The following C1GALT1 variants were observed in gnomAD, a reference collection of about 807,000 sequenced individuals.
The protein encoded by C1GALT1 is glycoprotein-N-acetylgalactosamine 3-beta-galactosyltransferase 1.
In C1GALT1, 11 loss-of-function variants were observed where a neutral mutation model predicts 31.0. That is an observed-to-expected ratio of 0.36 (90% CI 0.22 to 0.59). The LOEUF is 0.59. C1GALT1 is among the 20% of genes least tolerant of loss of function. The pLI is 0.79. For synonymous variants in C1GALT1, 175 were observed against 143.6 expected (o/e 1.22, Z -1.56); for missense variants, 424 against 425.2 (o/e 1.00, Z 0.03).
chr7:7,165,396 G>A (rs547474125), intron 2 of C1GALT1, among the ~76,000 whole-genome samples: 76 of 152,126 alleles, frequency 5.0e-4, no homozygotes, highest in Non-Finnish European at 9.0e-4. Flanking sequence ...TTTAATTTTT[G>A]TGAATGCATC....
chr7:7,193,320 T>C (rs1008049998), intron 1 of C1GALT1, among the ~76,000 whole-genome samples: 2 of 152,150 alleles, frequency 1.3e-5, no homozygotes, highest in African/African-American at 4.8e-5. Context: ...TAATCTTGAG[T>C]TCATTTTTGT....
At chr7:7,194,919 G>C (rs1781220575) in intron 1 of C1GALT1, among the ~76,000 whole-genome samples, 1 of 152,036 alleles carries the variant, frequency 6.6e-6, no homozygotes, top group African/African-American at 2.4e-5. Context: ...TATGTTTTCA[G>C]GAATTCACCC....
intron 2 of C1GALT1, among the ~76,000 whole-genome samples, chr7:7,166,588 A>C (rs1211425706): frequency 1.3e-5 from 2 of 152,202 alleles, no homozygotes; most frequent in Non-Finnish European, 2.9e-5. Context: ...GGGTGTATAC[A>C]TATGTCACAA....
intron 1 of C1GALT1, chr7:7,183,567 A>G (rs1285303283): frequency 3.0e-6 from 3 of 985,050 alleles, no homozygotes; most frequent in Non-Finnish European, 3.6e-6. Context: ...GTAGGTGTTG[A>G]CAAGTTGTCC....
chr7:7,217,541 G>A (rs939966728), intron 1 of C1GALT1, among the ~76,000 whole-genome samples: 3 of 152,182 alleles, frequency 2.0e-5, no homozygotes, highest in Admixed American at 2.0e-4. Flanking sequence ...TGCTTTATTC[G>A]CTGATGGATT....
At chr7:7,162,099 T>C (rs1780340413) in intron 2 of C1GALT1, among the ~76,000 whole-genome samples, 1 of 151,464 alleles carries the variant, frequency 6.6e-6, no homozygotes, top group Admixed American at 6.6e-5. Flanking sequence ...ATTAGCTATT[T>C]TTCTTTTTTT....
Position 7,243,359 on chromosome 7 carries a change from C to G in C1GALT1, c.889-165C>G, listed in dbSNP as rs115206933. ...TAAATCATTAGGATGTCTAAGTAAA[C>G]TATTGATTTCTTCCACAGGTCTAGT... On this transcript the variant is annotated intron_variant, in intron 3 of 3. Coordinates refer to ENST00000436587, the MANE Select transcript of C1GALT1 (RefSeq NM_020156.5). Among the ~76,000 whole-genome samples the G allele has an allele frequency of 4.7e-3, 720 of 152,228 alleles. 6 individuals carry two copies. Among genetic ancestry groups the G allele is most frequent in the African/African-American group, 0.016 (674 of 41,574 alleles).
At chr7:7,189,192 T>TA (rs978486355) in intron 1 of C1GALT1, among the ~76,000 whole-genome samples, 1 of 152,168 alleles carries the variant, frequency 6.6e-6, no homozygotes, top group African/African-American at 2.4e-5. Context: ...ATCTTTTTTT[T>TA]AAAAAACTGG....
chr7:7,228,987 G>T (rs1031746946), intron 1 of C1GALT1, among the ~76,000 whole-genome samples: 4 of 152,300 alleles, frequency 2.6e-5, no homozygotes, highest in African/African-American at 9.6e-5. Context: ...ATATGATTGA[G>T]TAGCATGTTA....
chr7:7,180,277 T>C (rs1780555553), upstream of C1GALT1, among the ~76,000 whole-genome samples: 1 of 152,248 alleles, frequency 6.6e-6, no homozygotes, highest in Non-Finnish European at 1.5e-5. Flanking sequence ...TTTTATTCTC[T>C]AATTGAAAAT....
chr7:7,224,017 G>T lies in C1GALT1; in HGVS notation c.-17-10286G>T, dbSNP rs572172323. On this transcript the variant is annotated intron_variant, in intron 1 of 3. Transcript: ENST00000436587. ...GTATTTTTTCTGCATCTTTTCATTT[G>T]TGTGAATTTTCCTTTTTAGTTGGTT... 2.0e-5 allele frequency among the ~76,000 whole-genome samples: 3 copies of T among 152,112 alleles called. No homozygotes were observed. The East Asian group carries it at 5.8e-4, about 29-fold the overall frequency.
chr7:7,168,074 A>G (rs1780417069), intron 2 of C1GALT1, among the ~76,000 whole-genome samples: 2 of 152,226 alleles, frequency 1.3e-5, no homozygotes, highest in Non-Finnish European at 2.9e-5. Context: ...GTAAGTAGAG[A>G]TGGTGAATGC....
At chr7:7,198,947 A>G (rs966609127) in intron 1 of C1GALT1, among the ~76,000 whole-genome samples, 1 of 152,062 alleles carries the variant, frequency 6.6e-6, no homozygotes, top group Non-Finnish European at 1.5e-5. Context: ...TAGTCTTGCT[A>G]GCGGTCTATC....
rs1467908822 is a variant in C1GALT1 at position 7,248,240 on chromosome 7, C to T, written c.*4513C>T. On this transcript the variant is annotated 3_prime_UTR_variant, in exon 4 of 4. Coordinates refer to ENST00000436587, the MANE Select transcript of C1GALT1 (RefSeq NM_020156.5). ...TTTTACAAATTCTCTTTAGAGCAAC[C>T]AACATTAAAGTTTTAGAGTTGAATT... 2.6e-5 allele frequency: 4 copies of T among 151,830 alleles called. No individual in the cohort carries two copies. Among genetic ancestry groups the T allele is most frequent in the African/African-American group, 9.7e-5 (4 of 41,378 alleles). The allele number at this position is 151,830 out of a possible 1,614,324, so 9.4% of individuals were successfully genotyped here. A position where few individuals can be genotyped will look rare whatever the true frequency, so the allele number is the denominator to read the frequency against.
chr7:7,244,185 C>T lies in C1GALT1; in HGVS notation c.*458C>T, dbSNP rs1783754620. The T allele has an allele frequency of 6.6e-6, 1 of 152,630 alleles. No homozygotes were observed. The highest frequency in any genetic ancestry group is 1.5e-5 in the Non-Finnish European group (1 of 68,158). 9.5% of individuals were successfully genotyped at this position (152,630 alleles called of 1,614,324 possible). On this transcript the variant is annotated 3_prime_UTR_variant, in exon 4 of 4. Coordinates refer to ENST00000436587, the MANE Select transcript of C1GALT1 (RefSeq NM_020156.5). ...AGCTCAAGAATTGAGTTTATATTTG[C>T]AGTATGCTATAAATGATACCCCCCT...
intron 2 of C1GALT1, among the ~76,000 whole-genome samples, chr7:7,162,891 T>G (rs1780351764): frequency 6.6e-6 from 1 of 152,088 alleles, no homozygotes; most frequent in Non-Finnish European, 1.5e-5. Flanking sequence ...TTTTCATGTG[T>G]TTTTTGGCTG....
chr7:7,190,637 C>T (rs968002747), intron 1 of C1GALT1, among the ~76,000 whole-genome samples: 1 of 151,974 alleles, frequency 6.6e-6, no homozygotes, highest in East Asian at 1.9e-4. Flanking sequence ...GTCTCTTCCC[C>T]TTCCCCAGTT....
upstream of C1GALT1, among the ~76,000 whole-genome samples, chr7:7,180,492 A>T (rs1780557993): frequency 6.6e-6 from 1 of 151,146 alleles, no homozygotes. Flanking sequence ...TGCAACTTTT[A>T]AAAATGATGT....
At chr7:7,158,194 T>C (rs1236449044) in intron 2 of C1GALT1, among the ~76,000 whole-genome samples, 1 of 152,202 alleles carries the variant, frequency 6.6e-6, no homozygotes, top group Non-Finnish European at 1.5e-5. Flanking sequence ...TGTCCCTTCC[T>C]TTCTGCTAAA....
Sources: allele counts gnomAD v4.1 joint callset (sites outside exome capture counted in the v4.1 genomes callset), GRCh38; gene constraint gnomAD v4.1.1; transcripts MANE v1.5; gene names NCBI Gene and HGNC (gene_info 2026-07-23, HGNC 2026-07-21).